The following GSG1L variants were observed in gnomAD, a reference collection of about 807,000 sequenced individuals.
GSG1L encodes GSG1 like.
Under a neutral mutation model 42.1 loss-of-function variants are expected in GSG1L, and 24 were observed. The observed-to-expected ratio is 0.57, with a 90% confidence interval of 0.41 to 0.80. The LOEUF (loss-of-function observed/expected upper bound fraction) is 0.80. Among genes scored for constraint, GSG1L ranks in the 30% least tolerant of loss-of-function variants. GSG1L has a pLI of 0.00. For synonymous variants in GSG1L, 215 were observed against 203.5 expected (o/e 1.06, Z -0.48); for missense variants, 445 against 472.2 (o/e 0.94, Z 0.53).
At chr16:27,890,448 C>G (rs1423046) in intron 2 of GSG1L, among the ~76,000 whole-genome samples, 92,648 of 152,028 alleles carry the variant, frequency 0.61, 28,917 homozygotes, top group Admixed American at 0.73. Flanking sequence ...AGGATGGAAA[C>G]AGTTCTTGGA....
At chr16:27,830,501 T>C (rs749722757) in intron 4 of GSG1L, among the ~76,000 whole-genome samples, 7 of 152,212 alleles carry the variant, frequency 4.6e-5, no homozygotes, top group Admixed American at 1.3e-4. Context: ...AAGGACCATC[T>C]ATTTCCCTTA....
In GSG1L at chr16:27,830,694, G is replaced by A. The variant is rs551440523; in HGVS notation, c.663-1738C>T. ...CCACCCCCCACCATTCATAGATGAC[G>A]GGACAAGGGCTGACCATCTGGTGAA... On this transcript the variant is annotated intron_variant, in intron 4 of 6. Transcript: ENST00000447459. 2.6e-4 allele frequency among the ~76,000 whole-genome samples: 39 copies of A among 152,270 alleles called. No homozygotes were observed. The East Asian group carries it at 5.6e-3, about 22-fold the overall frequency.
chr16:27,995,741 G>A (rs192482553), intron 1 of GSG1L, among the ~76,000 whole-genome samples: 67 of 152,104 alleles, frequency 4.4e-4, no homozygotes, highest in African/African-American at 1.3e-3. Context: ...TGAACTCCTG[G>A]CCTCAAGCAA....
intron 1 of GSG1L, among the ~76,000 whole-genome samples, chr16:28,010,019 C>T (rs1024004106): frequency 1.3e-5 from 2 of 152,146 alleles, no homozygotes; most frequent in East Asian, 1.9e-4. Flanking sequence ...CACACACACA[C>T]GCTTGCAAGG....
At chr16:27,971,791 A>G (rs893885886) in intron 1 of GSG1L, among the ~76,000 whole-genome samples, 4 of 152,090 alleles carry the variant, frequency 2.6e-5, no homozygotes, top group African/African-American at 9.7e-5. Context: ...TTTTTAATAT[A>G]TGCCCTCTGT....
Position 27,808,349 on chromosome 16 carries a change from A to G in GSG1L, c.831-795T>C, listed in dbSNP as rs371471359. ...GGATCCTCCTGCGTCTGCCTCCCAA[A>G]ACTCTGGGATTATAGGCATGAGCCA... On this transcript the variant is annotated intron_variant, in intron 5 of 6. Coordinates refer to ENST00000447459, the MANE Select transcript of GSG1L (RefSeq NM_001109763.2). Among the ~76,000 whole-genome samples the G allele has an allele frequency of 2.6e-5, 4 of 151,966 alleles. No homozygotes were observed. The East Asian group carries it at 7.7e-4, about 29-fold the overall frequency.
intron 1 of GSG1L, chr16:27,998,149 G>T (rs1394553104): frequency 6.6e-6 from 1 of 152,146 alleles, no homozygotes; most frequent in African/African-American, 2.4e-5. Context: ...GAGCCACCAC[G>T]CCTGGCCCCT....
At chr16:27,897,295 C>G (rs1567509713) in intron 2 of GSG1L, among the ~76,000 whole-genome samples, 1 of 151,410 alleles carries the variant, frequency 6.6e-6, no homozygotes, top group African/African-American at 2.4e-5. Flanking sequence ...TAATACACCT[C>G]CTTTTTTTCT....
At chr16:27,816,535 A>G (rs2083096203) in intron 5 of GSG1L, among the ~76,000 whole-genome samples, 1 of 152,226 alleles carries the variant, frequency 6.6e-6, no homozygotes, top group African/African-American at 2.4e-5. Context: ...CAGATGGGAA[A>G]GGTGAAGCGA....
At chr16:27,942,506 A>G (rs894116778) in intron 2 of GSG1L, among the ~76,000 whole-genome samples, 4 of 151,484 alleles carry the variant, frequency 2.6e-5, no homozygotes, top group African/African-American at 9.7e-5. Context: ...GAGTGGGAAA[A>G]GGTATTTGCA....
intron 3 of GSG1L, among the ~76,000 whole-genome samples, chr16:27,865,572 TACACACACACATACATACATACACACAC>T (rs2083711608): frequency 3.7e-4 from 8 of 21,524 alleles, no homozygotes; most frequent in Non-Finnish European, 7.4e-4. Flanking sequence ...TATATATATA[TACACACACACATACATACATACACACAC>T]ATATATATAC....
intron 3 of GSG1L, among the ~76,000 whole-genome samples, chr16:27,879,887 G>A (rs543759084): frequency 3.3e-4 from 48 of 146,720 alleles, no homozygotes; most frequent in Non-Finnish European, 2.4e-4. Flanking sequence ...AAATGGTTTC[G>A]CTCTGGGGTT....
At chr16:27,798,042 G>A (rs757728448) in intron 6 of GSG1L, among the ~76,000 whole-genome samples, 1 of 152,166 alleles carries the variant, frequency 6.6e-6, no homozygotes, top group Non-Finnish European at 1.5e-5. Context: ...GAGGATGGGA[G>A]TGGGGTAAGG....
intron 2 of GSG1L, among the ~76,000 whole-genome samples, chr16:27,920,708 G>C (rs1007205432): frequency 3.9e-5 from 6 of 152,220 alleles, no homozygotes; most frequent in Non-Finnish European, 8.8e-5. Flanking sequence ...GGAGTCCTGT[G>C]ATGGGCTGAA....
chr16:28,029,804 G>T (rs1254412728), intron 1 of GSG1L, among the ~76,000 whole-genome samples: 1 of 152,234 alleles, frequency 6.6e-6, no homozygotes, highest in African/African-American at 2.4e-5. Flanking sequence ...AACTCTTGCT[G>T]AGTCAGGATT....
At chr16:27,860,027 CCCAGCAGGGGCT>C (rs1470816114) in intron 3 of GSG1L, among the ~76,000 whole-genome samples, 3 of 58,094 alleles carry the variant, frequency 5.2e-5, no homozygotes, top group Admixed American at 5.0e-4. Context: ...GGCAGGTGCT[CCCAGCAGGGGCT>C]CCCTCTGGCT....
At chr16:27,946,168 G>C (rs1377173945) in intron 2 of GSG1L, among the ~76,000 whole-genome samples, 1 of 152,208 alleles carries the variant, frequency 6.6e-6, no homozygotes, top group Non-Finnish European at 1.5e-5. Context: ...CCTCAGGCAA[G>C]TGGCTCAACT....
chr16:28,054,605 G>C (rs1353973630), intron 1 of GSG1L, among the ~76,000 whole-genome samples: 4 of 151,484 alleles, frequency 2.6e-5, no homozygotes, highest in Admixed American at 2.6e-4. Context: ...CTCCAGCCTC[G>C]GCAACACATT....
chr16:28,015,074 T>C (rs562063891), intron 1 of GSG1L, among the ~76,000 whole-genome samples: 1 of 152,340 alleles, frequency 6.6e-6, no homozygotes, highest in South Asian at 2.1e-4. Context: ...TGGTTACATC[T>C]GAGCTCAGTG....
Sources: allele counts gnomAD v4.1 joint callset (sites outside exome capture counted in the v4.1 genomes callset), GRCh38; gene constraint gnomAD v4.1.1; transcripts MANE v1.5; gene names NCBI Gene and HGNC (gene_info 2026-07-23, HGNC 2026-07-21).